GSTCD: variants seen among roughly 807,000 people sequenced by gnomAD.
GSTCD encodes the protein glutathione S-transferase C-terminal domain-containing protein.
In GSTCD, 44 loss-of-function variants were observed where a neutral mutation model predicts 68.3. That is an observed-to-expected ratio of 0.64 (90% CI 0.51 to 0.83). The LOEUF is 0.83. GSTCD is among the 40% of genes least tolerant of loss of function. GSTCD has a pLI of 0.00. For synonymous variants in GSTCD, 273 were observed against 255.2 expected (o/e 1.07, Z -0.67); for missense variants, 739 against 735.9 (o/e 1.00, Z -0.05).
intron 5 of GSTCD, among the ~76,000 whole-genome samples, chr4:105,773,899 T>C (rs2553443): frequency 0.93 from 141,384 of 152,210 alleles, 65,693 homozygotes; most frequent in East Asian, 0.97. Context: ...AGTTCAAATT[T>C]TGAATATCCT....
chr4:105,808,390 C>G (rs1054536517), intron 5 of GSTCD, among the ~76,000 whole-genome samples: 4 of 152,060 alleles, frequency 2.6e-5, no homozygotes, highest in Non-Finnish European at 4.4e-5. Flanking sequence ...CAAATTCTGT[C>G]AGCTCTGTTT....
chr4:105,823,132 C>T (rs761568383), intron 6 of GSTCD, 63 bp downstream of exon 6: 25 of 1,562,142 alleles, frequency 1.6e-5, no homozygotes, highest in East Asian at 2.2e-5. Flanking sequence ...TTCTATATTA[C>T]ATTCAAGGTC....
rs181152803 is a variant in GSTCD, at chr4:105,819,830, C to T, written c.1241-3124C>T. On this transcript the variant is annotated intron_variant, in intron 5 of 11. Transcript: ENST00000515279. ...TTTGCTCTTGATTTTTTTACCTTTTCGGTGTGTTTTTAAGCTCTAAACATA... is the reference window on the plus strand; with the variant it reads ...TTTGCTCTTGATTTTTTTACCTTTTTGGTGTGTTTTTAAGCTCTAAACATA... Among the ~76,000 whole-genome samples the T allele has an allele frequency of 4.5e-3, 683 of 150,882 alleles. 6 individuals are homozygous for T. Among genetic ancestry groups the T allele is most frequent in the African/African-American group, 0.015 (600 of 41,274 alleles).
At chr4:105,795,654 A>C (rs1050054452) in intron 5 of GSTCD, among the ~76,000 whole-genome samples, 1 of 152,132 alleles carries the variant, frequency 6.6e-6, no homozygotes, top group Non-Finnish European at 1.5e-5. Context: ...AATTGGCTAG[A>C]TCCAAGTAGG....
chr4:105,731,314 C>A (rs1291001899), intron 5 of GSTCD, among the ~76,000 whole-genome samples: 1 of 152,142 alleles, frequency 6.6e-6, no homozygotes, highest in Non-Finnish European at 1.5e-5. Context: ...CTATAAATTA[C>A]CTTGGGCAGT....
intron 5 of GSTCD, among the ~76,000 whole-genome samples, chr4:105,776,636 C>G (rs905991832): frequency 2.0e-5 from 3 of 152,142 alleles, no homozygotes; most frequent in Non-Finnish European, 4.4e-5. Flanking sequence ...CAATGCCCCA[C>G]CCTGCTTCAA....
chr4:105,756,543 C>T (rs1341873146), intron 5 of GSTCD, among the ~76,000 whole-genome samples: 9 of 143,640 alleles, frequency 6.3e-5, no homozygotes, highest in South Asian at 4.5e-4. Context: ...TACATATATA[C>T]GCATACATAT....
chr4:105,721,007 C>G (rs1454423025), intron 3 of GSTCD, among the ~76,000 whole-genome samples: 2 of 150,968 alleles, frequency 1.3e-5, no homozygotes, highest in South Asian at 2.1e-4. Context: ...GAGTCTCGCT[C>G]TGTCACCTAG....
At chr4:105,776,572 C>T (rs1735073221) in intron 5 of GSTCD, among the ~76,000 whole-genome samples, 1 of 152,188 alleles carries the variant, frequency 6.6e-6, no homozygotes, top group Non-Finnish European at 1.5e-5. Flanking sequence ...TTCCTCAGGG[C>T]TTCCCTTGGC....
chr4:105,739,018 C>A (rs1733548788), intron 5 of GSTCD, among the ~76,000 whole-genome samples: 1 of 152,054 alleles, frequency 6.6e-6, no homozygotes, highest in South Asian at 2.1e-4. Flanking sequence ...CCTTTTATAC[C>A]CAGTTTGTTG....
intron 8 of GSTCD, among the ~76,000 whole-genome samples, chr4:105,833,953 A>G (rs112515881): frequency 0.029 from 4,419 of 152,330 alleles, 77 homozygotes; most frequent in Middle Eastern, 0.068. Flanking sequence ...AAAGGGTACT[A>G]CATGATATGA....
At chr4:105,837,821 T>G in intron 9 of GSTCD, 38 bp from the exon 10 acceptor site, 1 of 862,826 alleles carries the variant, frequency 1.2e-6, no homozygotes, top group Non-Finnish European at 1.8e-6. Flanking sequence ...ACTCTTAATA[T>G]TTAGAATGAT....
intron 1 of GSTCD, among the ~76,000 whole-genome samples, chr4:105,713,927 G>A (rs1732610121): frequency 1.3e-5 from 2 of 150,482 alleles, no homozygotes; most frequent in Admixed American, 1.3e-4. Context: ...ATTTTTTCTG[G>A]ACTGTGGAGA....
intron 5 of GSTCD, among the ~76,000 whole-genome samples, chr4:105,771,187 G>A (rs764237022): frequency 1.3e-4 from 19 of 151,788 alleles, no homozygotes; most frequent in East Asian, 1.9e-4. Context: ...AGAACTGTCC[G>A]TGCATATACT....
At chr4:105,735,666 G>A (rs566447645) in intron 5 of GSTCD, among the ~76,000 whole-genome samples, 20 of 152,008 alleles carry the variant, frequency 1.3e-4, no homozygotes, top group Non-Finnish European at 2.8e-4. Flanking sequence ...ACACTCAATG[G>A]GCAGCACCCA....
chr4:105,715,312 C>T (rs1732650373), intron 1 of GSTCD, among the ~76,000 whole-genome samples: 1 of 152,074 alleles, frequency 6.6e-6, no homozygotes. Context: ...TATAAAAAAA[C>T]TCTTTGAACT....
At chr4:105,795,748 T>A (rs993996916) in intron 5 of GSTCD, among the ~76,000 whole-genome samples, 2 of 152,168 alleles carry the variant, frequency 1.3e-5, no homozygotes, top group Non-Finnish European at 1.5e-5. Flanking sequence ...CATTTATAGA[T>A]CACCTTGTTA....
At chr4:105,809,136 T>C (rs1298921977) in intron 5 of GSTCD, among the ~76,000 whole-genome samples, 3 of 152,030 alleles carry the variant, frequency 2.0e-5, no homozygotes, top group Non-Finnish European at 4.4e-5. Context: ...TCCATGAAAT[T>C]ATGAAGAAGG....
At chr4:105,731,360 T>C (rs1733234103) in intron 5 of GSTCD, among the ~76,000 whole-genome samples, 1 of 152,256 alleles carries the variant, frequency 6.6e-6, no homozygotes, top group Non-Finnish European at 1.5e-5. Flanking sequence ...TTCCTATCCA[T>C]GAGCATGGAA....
Sources: allele counts gnomAD v4.1 joint callset (sites outside exome capture counted in the v4.1 genomes callset), GRCh38; gene constraint gnomAD v4.1.1; transcripts MANE v1.5; gene names NCBI Gene and HGNC (gene_info 2026-07-23, HGNC 2026-07-21).